MPP7: variants seen among roughly 807,000 people sequenced by gnomAD.
MPP7 encodes MAGUK p55 scaffold protein 7.
MPP7 carries 60 observed loss-of-function variants against 76.5 expected under a neutral mutation model. That is an observed-to-expected ratio of 0.78 (90% CI 0.64 to 0.97). The LOEUF is 0.97. Among genes scored for constraint, MPP7 ranks in the 50% least tolerant of loss-of-function variants. MPP7 has a pLI of 0.00. For synonymous variants in MPP7, 237 were observed against 244.5 expected (o/e 0.97, Z 0.29); for missense variants, 641 against 694.0 (o/e 0.92, Z 0.86).
At position 28,233,645 on chromosome 10, in the gene MPP7, G is replaced by A. The variant is rs1838966197; in HGVS notation, c.37+4923C>T. 2.6e-5 allele frequency among the ~76,000 whole-genome samples: 4 copies of A among 151,556 alleles called. No individual in the cohort carries two copies. The South Asian group carries it at 8.3e-4, about 32-fold the overall frequency. On this transcript the variant is annotated intron_variant, in intron 2 of 16. Transcript: ENST00000683449. ...AGGCAGTAGAATGGTGTGAACCTGG[G>A]AGGCGGAACTTGCAATGAGCCTAGA...
At chr10:28,293,066 A>C (rs1370394808) in intron 1 of MPP7, among the ~76,000 whole-genome samples, 1 of 151,550 alleles carries the variant, frequency 6.6e-6, no homozygotes, top group African/African-American at 2.4e-5. Flanking sequence ...AAAAGGTTGG[A>C]TCATAACAAA....
chr10:28,280,608 A>T (rs1423631712), intron 1 of MPP7, among the ~76,000 whole-genome samples: 1 of 152,102 alleles, frequency 6.6e-6, no homozygotes, highest in Admixed American at 6.5e-5. Context: ...AACAGGGCTT[A>T]GGCATAAAAA....
intron 2 of MPP7, among the ~76,000 whole-genome samples, chr10:28,323,292 A>G (rs1472455277): frequency 6.6e-6 from 1 of 152,044 alleles, no homozygotes; most frequent in Non-Finnish European, 1.5e-5. Context: ...CTCAAAAAAA[A>G]AGAAAAATAA....
At chr10:28,320,642 G>A (rs930417801) in intron 2 of MPP7, among the ~76,000 whole-genome samples, 26 of 151,970 alleles carry the variant, frequency 1.7e-4, no homozygotes, top group Admixed American at 7.9e-4. Flanking sequence ...ACTACACATC[G>A]TTTCATATCA....
At chr10:28,246,480 G>A (rs1414039945) in intron 1 of MPP7, among the ~76,000 whole-genome samples, 1 of 152,086 alleles carries the variant, frequency 6.6e-6, no homozygotes, top group Non-Finnish European at 1.5e-5. Context: ...AACGCTAGAC[G>A]GCAACATGAA....
Position 28,259,024 on chromosome 10 carries a change from T to C in MPP7, c.-131-20289A>G, listed in dbSNP as rs77610263. Among the ~76,000 whole-genome samples the C allele has an allele frequency of 6.6e-3, 1,006 of 152,258 alleles. 12 individuals are homozygous for C. Among genetic ancestry groups the C allele is most frequent in the African/African-American group, 0.023 (957 of 41,558 alleles). The stretch of plus-strand genomic sequence containing the variant: ...AATGAGAAGGCTCAGGACTCAAACT[T>C]ACAGGTGAAACTGCACCTCTAATGT... On this transcript the variant is annotated intron_variant, in intron 1 of 16. Coordinates refer to ENST00000683449, the MANE Select transcript of MPP7 (RefSeq NM_001318170.2).
At chr10:28,196,354 C>T (rs1837581498) in intron 3 of MPP7, among the ~76,000 whole-genome samples, 1 of 151,902 alleles carries the variant, frequency 6.6e-6, no homozygotes, top group African/African-American at 2.4e-5. Flanking sequence ...GGGGCAGGTG[C>T]CTGTAATTGC....
chr10:28,268,650 T>C (rs1840222285), intron 1 of MPP7, among the ~76,000 whole-genome samples: 1 of 151,612 alleles, frequency 6.6e-6, no homozygotes, highest in South Asian at 2.1e-4. Flanking sequence ...AAGAATCATT[T>C]GAACATGAGA....
In MPP7 at chr10:28,262,277, ATT is replaced by A. The variant is rs1195166638; in HGVS notation, c.-131-23544_-131-23543del. The stretch of plus-strand genomic sequence containing the variant: ...TATATATGTATATATATATATATAT[ATT>A]TTTTTTTTTTTCTTCACCATGTTGG... On this transcript the variant is annotated intron_variant, in intron 1 of 16. Transcript: ENST00000683449. Among the ~76,000 whole-genome samples, 81 of 54,328 alleles carry A rather than the reference ATT, an allele frequency of 1.5e-3. 4 individuals are homozygous for A. Among genetic ancestry groups the A allele is most frequent in the Middle Eastern group, 0.023 (2 of 86 alleles). 35.6% of individuals were successfully genotyped at this position (54,328 alleles called of 152,430 possible).
chr10:28,094,266 T>A (rs1853457631), intron 11 of MPP7, among the ~76,000 whole-genome samples: 1 of 151,552 alleles, frequency 6.6e-6, no homozygotes, highest in African/African-American at 2.4e-5. Flanking sequence ...CCTTGAACGA[T>A]ATTTTACAAT....
intron 5 of MPP7, among the ~76,000 whole-genome samples, chr10:28,144,974 T>C (rs1835656780): frequency 6.6e-6 from 1 of 152,300 alleles, no homozygotes; most frequent in Non-Finnish European, 1.5e-5. Context: ...AAGAAAGTTA[T>C]AAAAATTTTC....
chr10:28,181,587 G>A (rs532994954), intron 3 of MPP7, among the ~76,000 whole-genome samples: 2 of 152,280 alleles, frequency 1.3e-5, no homozygotes, highest in Admixed American at 1.3e-4. Context: ...GAAATGAATG[G>A]AAAACAAACT....
chr10:28,072,340 C>T (rs949979988), intron 12 of MPP7, among the ~76,000 whole-genome samples: 3 of 151,996 alleles, frequency 2.0e-5, no homozygotes, highest in Non-Finnish European at 2.9e-5. Context: ...AGACAGTTTG[C>T]TTTTCTAGAA....
intron 3 of MPP7, among the ~76,000 whole-genome samples, chr10:28,177,784 G>A (rs1244699127): frequency 6.6e-6 from 1 of 152,178 alleles, no homozygotes; most frequent in African/African-American, 2.4e-5. Flanking sequence ...ACCAGACAAA[G>A]TGGGGAATTG....
chr10:28,088,691 A>G (rs751185217), intron 12 of MPP7, among the ~76,000 whole-genome samples: 13 of 152,180 alleles, frequency 8.5e-5, no homozygotes, highest in Non-Finnish European at 1.6e-4. Context: ...TTCTAAAATC[A>G]TTGGCTTTGA....
intron 12 of MPP7, among the ~76,000 whole-genome samples, chr10:28,087,031 C>A (rs1319600001): frequency 6.6e-6 from 1 of 152,138 alleles, no homozygotes; most frequent in African/African-American, 2.4e-5. Flanking sequence ...TTGATCCCAG[C>A]ATTGGAAGTG....
At chr10:28,188,100 G>A (rs917839156) in intron 3 of MPP7, among the ~76,000 whole-genome samples, 8 of 152,066 alleles carry the variant, frequency 5.3e-5, no homozygotes, top group Non-Finnish European at 1.2e-4. Flanking sequence ...TTTTCCCTTT[G>A]AGAATTCAAC....
At chr10:28,278,429 G>T (rs557986147) in intron 1 of MPP7, among the ~76,000 whole-genome samples, 1 of 152,146 alleles carries the variant, frequency 6.6e-6, no homozygotes, top group African/African-American at 2.4e-5. Context: ...TCAATTTAAG[G>T]CATACAAACA....
At chr10:28,141,932 T>C (rs144378013) in intron 5 of MPP7, among the ~76,000 whole-genome samples, 1 of 152,050 alleles carries the variant, frequency 6.6e-6, no homozygotes, top group Non-Finnish European at 1.5e-5. Flanking sequence ...TTCAGATATA[T>C]AATAAAGATA....
Sources: gnomAD v4.1 joint callset for allele counts (sites outside exome capture counted in the v4.1 genomes callset) on GRCh38, gnomAD v4.1.1 for gene constraint, MANE v1.5 for transcripts, NCBI Gene and HGNC (gene_info 2026-07-23, HGNC 2026-07-21) for gene names.